Variants in CRADD observed in about 807,000 individuals in gnomAD.
CRADD encodes the protein death domain-containing protein CRADD.
In CRADD, 9 loss-of-function variants were observed where a neutral mutation model predicts 15.5. That is an observed-to-expected ratio of 0.58 (90% CI 0.35 to 1.01). CRADD has a LOEUF of 1.01. CRADD is among the 50% of genes least tolerant of loss of function. The probability of loss-of-function intolerance (pLI) is 0.02; values close to 1 mark genes in which losing one functional copy is unlikely to be tolerated. For missense variants in CRADD, 227 were observed against 250.3 expected (o/e 0.91, Z 0.63); for synonymous variants, 118 against 107.6 (o/e 1.10, Z -0.60).
At chr12:93,742,755 T>C (rs902469329) in intron 2 of CRADD, among the ~76,000 whole-genome samples, 7 of 152,086 alleles carry the variant, frequency 4.6e-5, no homozygotes, top group African/African-American at 1.7e-4. Context: ...TCGGTAAAAA[T>C]GAGCCGTCAC....
At chr12:93,685,161 T>C (rs932218464) in intron 2 of CRADD, among the ~76,000 whole-genome samples, 2 of 152,356 alleles carry the variant, frequency 1.3e-5, no homozygotes, top group Non-Finnish European at 1.5e-5. Flanking sequence ...ATTGCTTTTT[T>C]TGTGTCAACT....
chr12:93,852,787 A>G (rs140110148), downstream of CRADD, among the ~76,000 whole-genome samples: 1,543 of 152,264 alleles, frequency 0.01, 25 homozygotes, highest in African/African-American at 0.036. Context: ...GCCGGCACTG[A>G]CAGAAAGTAT....
chr12:93,840,132 C>T (rs1444120018), intron 2 of CRADD, among the ~76,000 whole-genome samples: 2 of 152,094 alleles, frequency 1.3e-5, no homozygotes, highest in Non-Finnish European at 2.9e-5. Flanking sequence ...TCTTCTTTCC[C>T]CATTATGGAA....
At chr12:93,786,970 C>T (rs963041235) in intron 2 of CRADD, among the ~76,000 whole-genome samples, 2 of 152,062 alleles carry the variant, frequency 1.3e-5, no homozygotes, top group East Asian at 1.9e-4. Context: ...AAGTATGTTT[C>T]GGCTATTTAA....
chr12:93,692,614 A>G (rs1289564998), intron 2 of CRADD, among the ~76,000 whole-genome samples: 1 of 152,220 alleles, frequency 6.6e-6, no homozygotes, highest in Non-Finnish European at 1.5e-5. Flanking sequence ...CTAACAATGA[A>G]TAGTGTAGCC....
At chr12:93,734,849 A>G (rs1956536193) in intron 2 of CRADD, among the ~76,000 whole-genome samples, 1 of 151,990 alleles carries the variant, frequency 6.6e-6, no homozygotes. Flanking sequence ...TATCTTCACC[A>G]AGCTAATCCC....
Position 93,722,074 on chromosome 12 carries a change from T to C in CRADD, c.298+43002T>C, listed in dbSNP as rs77884137. 1.5e-3 allele frequency among the ~76,000 whole-genome samples: 226 copies of C among 152,332 alleles called. 2 individuals carry two copies. The East Asian group carries it at 0.039, about 27-fold the overall frequency. On this transcript the variant is annotated intron_variant, in intron 2 of 2. Transcript: ENST00000332896. ...TTTTGTTAGTCTGAGAAAGTCGTTA[T>C]TTCTCCATCAGTTTTGAAGGATAGT...
chr12:93,883,902 G>T (rs749273751), intron 2 of CRADD, among the ~76,000 whole-genome samples: 1 of 152,150 alleles, frequency 6.6e-6, no homozygotes, highest in African/African-American at 2.4e-5. Flanking sequence ...GACAATGAAG[G>T]GTACGTTCTG....
intron 2 of CRADD, among the ~76,000 whole-genome samples, chr12:93,701,043 A>G (rs1328133038): frequency 1.3e-5 from 2 of 151,996 alleles, no homozygotes; most frequent in Non-Finnish European, 2.9e-5. Context: ...CAAATAAAAG[A>G]TGTTGTTTTT....
At chr12:93,874,843 G>A (rs1189057747) in intron 2 of CRADD, among the ~76,000 whole-genome samples, 1 of 151,758 alleles carries the variant, frequency 6.6e-6, no homozygotes, top group Non-Finnish European at 1.5e-5. Context: ...CTAACATATG[G>A]CCTATCCTTC....
At chr12:93,856,577 T>C (rs1958277071) in intron 2 of CRADD, among the ~76,000 whole-genome samples, 1 of 152,198 alleles carries the variant, frequency 6.6e-6, no homozygotes, top group Non-Finnish European at 1.5e-5. Context: ...TTAATGTGTA[T>C]GGGCAGCAGA....
intron 2 of CRADD, among the ~76,000 whole-genome samples, chr12:93,718,712 C>T (rs190099149): frequency 4.6e-5 from 7 of 151,712 alleles, no homozygotes; most frequent in Non-Finnish European, 7.4e-5. Context: ...GTGGTAATAA[C>T]GGACATCCTT....
chr12:93,754,041 G>A (rs1188777011), intron 2 of CRADD, among the ~76,000 whole-genome samples: 4 of 152,256 alleles, frequency 2.6e-5, no homozygotes, highest in East Asian at 1.9e-4. Flanking sequence ...GGACATCCAG[G>A]CATTGCCATA....
intron 2 of CRADD, among the ~76,000 whole-genome samples, chr12:93,878,945 G>C (rs560757871): frequency 4.6e-5 from 7 of 152,240 alleles, no homozygotes; most frequent in African/African-American, 1.7e-4. Flanking sequence ...GTCCTTGCTG[G>C]GGGGAAGATA....
At chr12:93,794,678 G>A (rs542397179) in intron 2 of CRADD, among the ~76,000 whole-genome samples, 4 of 152,194 alleles carry the variant, frequency 2.6e-5, no homozygotes, top group South Asian at 2.1e-4. Flanking sequence ...TCCATGGAGA[G>A]ACCAGCCAGA....
rs919322371 is a variant in CRADD, at chr12:93,759,733, C to G, written c.298+80661C>G. 5.9e-4 allele frequency among the ~76,000 whole-genome samples: 90 copies of G among 152,154 alleles called. 1 individual carries two copies. The highest frequency in any genetic ancestry group is 2.0e-3 in the African/African-American group (84 of 41,486). On this transcript the variant is annotated intron_variant, in intron 2 of 2. Coordinates refer to ENST00000332896, the MANE Select transcript of CRADD (RefSeq NM_003805.5). Reference sequence around the variant, plus strand: ...CTTTGGTACACAGGTTTACAGGCACCCTATCTCAGTCTGATTCCAGAAAAA... The same window carrying G: ...CTTTGGTACACAGGTTTACAGGCACGCTATCTCAGTCTGATTCCAGAAAAA...
Position 93,744,586 on chromosome 12 carries a change from T to C in CRADD, c.298+65514T>C, listed in dbSNP as rs113428219. 9.6e-3 allele frequency among the ~76,000 whole-genome samples: 1,467 copies of C among 152,340 alleles called. 31 individuals carry two copies. The highest frequency in any genetic ancestry group is 0.034 in the African/African-American group (1,411 of 41,564). On this transcript the variant is annotated intron_variant, in intron 2 of 2. Transcript: ENST00000332896. ...TGATTGAATAACTGGGTAATGGGACTTCTCGGGAGAGATCTTTGACATTCT... is the reference window on the plus strand; with the variant it reads ...TGATTGAATAACTGGGTAATGGGACCTCTCGGGAGAGATCTTTGACATTCT...
At chr12:93,811,434 G>T (rs181831142) in intron 2 of CRADD, among the ~76,000 whole-genome samples, 1 of 152,310 alleles carries the variant, frequency 6.6e-6, no homozygotes, top group East Asian at 1.9e-4. Flanking sequence ...GCAGAGGCTG[G>T]CTACCTATAC....
intron 2 of CRADD, among the ~76,000 whole-genome samples, chr12:93,711,696 T>C (rs1565882512): frequency 6.6e-6 from 1 of 151,986 alleles, no homozygotes; most frequent in African/African-American, 2.4e-5. Context: ...GTGTGGCTGG[T>C]TCTTCATTCA....
Sources: gnomAD v4.1 joint callset for allele counts (sites outside exome capture counted in the v4.1 genomes callset) on GRCh38, gnomAD v4.1.1 for gene constraint, MANE v1.5 for transcripts, NCBI Gene and HGNC (gene_info 2026-07-23, HGNC 2026-07-21) for gene names.